The following DPYSL5 variants were observed in gnomAD, a reference collection of about 807,000 sequenced individuals.
DPYSL5 encodes dihydropyrimidinase-related protein 5.
A neutral mutation model predicts 58.4 loss-of-function variants in DPYSL5; 9 were observed. The observed-to-expected ratio is 0.15, with a 90% CI of 0.09 to 0.27. The LOEUF is 0.27. DPYSL5 is among the 10% of genes least tolerant of loss of function. The pLI is 1.00. For synonymous variants in DPYSL5, 293 were observed against 301.9 expected, an observed-to-expected ratio of 0.97 and a Z score of 0.31; for missense variants, 499 against 770.6, an observed-to-expected ratio of 0.65 and a Z score of 4.17.
In DPYSL5 at chr2:26,948,091, A is replaced by ACACACACACACACACACG. The variant is rs1665536429; in HGVS notation, c.*1113_*1114insGCACACACACACACACAC. Reference sequence around the variant, plus strand: ...CCTGCCACCACACACACACACACACACACACACACACACACACACGCACGG... The same window carrying ACACACACACACACACACG: ...CCTGCCACCACACACACACACACACACACACACACACACACACGCACACACACACACACACACGCACGG... On this transcript the variant is annotated 3_prime_UTR_variant, in exon 13 of 13. Transcript: ENST00000288699. 6.5e-6 allele frequency: 1 copy of ACACACACACACACACACG among 154,838 alleles called. No homozygotes were observed. The highest frequency in any genetic ancestry group is 2.4e-5 in the African/African-American group (1 of 41,226). 9.6% of individuals were successfully genotyped at this position (154,838 alleles called of 1,614,324 possible). A position where few individuals can be genotyped will look rare whatever the true frequency, so the allele number is the denominator to read the frequency against.
At chr2:26,937,156 C>T (rs944087913) in intron 8 of DPYSL5, among the ~76,000 whole-genome samples, 4 of 151,940 alleles carry the variant, frequency 2.6e-5, no homozygotes, top group South Asian at 2.1e-4. Context: ...CAAATTACAG[C>T]GCCCAAACCC....
At chr2:26,890,273 G>A (rs1288774452) in intron 1 of DPYSL5, among the ~76,000 whole-genome samples, 2 of 152,116 alleles carry the variant, frequency 1.3e-5, no homozygotes, top group African/African-American at 4.8e-5. Context: ...TTAAGAGCAG[G>A]GCCTGTGGTT....
intron 2 of DPYSL5, among the ~76,000 whole-genome samples, chr2:26,909,919 T>A (rs890326839): frequency 2.0e-5 from 3 of 152,156 alleles, no homozygotes; most frequent in Non-Finnish European, 4.4e-5. Flanking sequence ...TTTTAAAGTA[T>A]ACAGTTTGAT....
intron 5 of DPYSL5, among the ~76,000 whole-genome samples, chr2:26,929,979 A>G (rs1486775355): frequency 6.6e-6 from 1 of 152,224 alleles, no homozygotes; most frequent in Non-Finnish European, 1.5e-5. Flanking sequence ...GTGGTTGGTT[A>G]TCCATGAGGG....
At chr2:26,864,627 C>CA (rs1666096739) in intron 1 of DPYSL5, among the ~76,000 whole-genome samples, 1 of 151,754 alleles carries the variant, frequency 6.6e-6, no homozygotes, top group South Asian at 2.1e-4. Flanking sequence ...GTGAACCATC[C>CA]TGGCCATTAG....
chr2:26,945,399 T>G (rs1665447617), intron 12 of DPYSL5, among the ~76,000 whole-genome samples: 1 of 152,046 alleles, frequency 6.6e-6, no homozygotes, highest in Admixed American at 6.5e-5. Flanking sequence ...TTTTTTCTCT[T>G]ATCTTTCTGT....
At chr2:26,917,393 A>G (rs1431536670) in intron 2 of DPYSL5, among the ~76,000 whole-genome samples, 1 of 152,244 alleles carries the variant, frequency 6.6e-6, no homozygotes, top group Non-Finnish European at 1.5e-5. Context: ...GCTGCAAATT[A>G]TCAGTCAAGA....
At chr2:26,889,371 G>A (rs1327260617) in intron 1 of DPYSL5, among the ~76,000 whole-genome samples, 3 of 151,926 alleles carry the variant, frequency 2.0e-5, no homozygotes, top group African/African-American at 4.8e-5. Context: ...CCGGGTTCAC[G>A]CCATTCTCCT....
intron 1 of DPYSL5, among the ~76,000 whole-genome samples, chr2:26,856,903 C>A (rs964774323): frequency 1.4e-5 from 2 of 147,348 alleles, no homozygotes; most frequent in South Asian, 4.2e-4. Context: ...ATTATATATA[C>A]ATATATAATA....
chr2:26,874,182 T>C (rs1014781555), intron 1 of DPYSL5, among the ~76,000 whole-genome samples: 3 of 152,242 alleles, frequency 2.0e-5, no homozygotes, highest in African/African-American at 7.2e-5. Context: ...CTTTATCAGA[T>C]CTATGTGTTG....
intron 2 of DPYSL5, among the ~76,000 whole-genome samples, chr2:26,914,174 G>C (rs1664507836): frequency 6.6e-6 from 1 of 152,162 alleles, no homozygotes; most frequent in South Asian, 2.1e-4. Context: ...GCCTTGGCTG[G>C]TCTCTCAAAA....
Position 26,911,079 on chromosome 2 carries a change from G to GTTTTTTTTTT in DPYSL5, c.261+12329_261+12338dup, listed in dbSNP as rs57441106. Among the ~76,000 whole-genome samples the GTTTTTTTTTT allele has an allele frequency of 2.0e-5, 2 of 100,416 alleles. 1 individual carries two copies. The allele number at this position is 100,416 out of a possible 152,430, so 65.9% of individuals were successfully genotyped here. On this transcript the variant is annotated intron_variant, in intron 2 of 12. Transcript: ENST00000288699. ...ACATGGTATGTGGTATCTATGTTCAGTTTTTTTTTTTTTTTTTTTGCAAAT... is the reference window on the plus strand; with the variant it reads ...ACATGGTATGTGGTATCTATGTTCAGTTTTTTTTTTTTTTTTTTTTTTTTTTTTTGCAAAT...
intron 4 of DPYSL5, 97 bp from the exon 5 acceptor site, chr2:26,928,158 G>A: frequency 8.0e-7 from 1 of 1,251,674 alleles, no homozygotes; most frequent in African/African-American, 1.5e-5. Flanking sequence ...ATTGAAACAG[G>A]CGGTGTCTAG....
intron 2 of DPYSL5, among the ~76,000 whole-genome samples, chr2:26,915,855 T>C (rs987080362): frequency 1.3e-5 from 2 of 152,050 alleles, no homozygotes; most frequent in African/African-American, 4.8e-5. Flanking sequence ...ACCCCTCTCC[T>C]GAATGAATGG....
intron 1 of DPYSL5, among the ~76,000 whole-genome samples, chr2:26,865,013 C>A (rs1401250030): frequency 2.0e-5 from 3 of 152,154 alleles, no homozygotes; most frequent in Non-Finnish European, 4.4e-5. Context: ...CTCCAGACCA[C>A]CCTCAGCAAT....
chr2:26,884,762 T>G (rs1369301718), intron 1 of DPYSL5, among the ~76,000 whole-genome samples: 38 of 152,204 alleles, frequency 2.5e-4, no homozygotes, highest in Non-Finnish European at 1.5e-5. Context: ...CTCATGGGAT[T>G]AAAACCTCTT....
At chr2:26,866,685 G>A (rs1666149955) in intron 1 of DPYSL5, among the ~76,000 whole-genome samples, 1 of 149,852 alleles carries the variant, frequency 6.7e-6, no homozygotes, top group Admixed American at 6.7e-5. Flanking sequence ...GTACAACTAT[G>A]ATATATCCAT....
At chr2:26,903,102 C>T (rs1664202294) in intron 2 of DPYSL5, among the ~76,000 whole-genome samples, 1 of 150,230 alleles carries the variant, frequency 6.7e-6, no homozygotes, top group Non-Finnish European at 1.5e-5. Context: ...TGAAGTCTCA[C>T]ACTGTCACCC....
chr2:26,882,416 T>A (rs1663594118), intron 1 of DPYSL5, among the ~76,000 whole-genome samples: 2 of 133,594 alleles, frequency 1.5e-5, no homozygotes, highest in Non-Finnish European at 3.2e-5. Context: ...CAGCTTATTG[T>A]GTGTGTGTGT....
Sources: gnomAD v4.1 joint callset for allele counts (sites outside exome capture counted in the v4.1 genomes callset) on GRCh38, gnomAD v4.1.1 for gene constraint, MANE v1.5 for transcripts, NCBI Gene and HGNC (gene_info 2026-07-23, HGNC 2026-07-21) for gene names.